Variants in ARHGEF6 observed in about 807,000 individuals in gnomAD.
ARHGEF6 encodes rho guanine nucleotide exchange factor 6.
In ARHGEF6, 9 loss-of-function variants were observed where a neutral mutation model predicts 70.3. The observed-to-expected ratio is 0.13, with a 90% confidence interval of 0.08 to 0.22. ARHGEF6 has a LOEUF of 0.22. Among genes scored for constraint, ARHGEF6 ranks in the 10% least tolerant of loss-of-function variants. The pLI, the probability that ARHGEF6 is intolerant of heterozygous loss-of-function variation, is 1.00. For synonymous variants in ARHGEF6, 201 were observed against 207.8 expected (o/e 0.97, Z 0.28); for missense variants, 470 against 563.0 (o/e 0.83, Z 1.67).
chrX:136,713,311 A>G lies in ARHGEF6; in HGVS notation c.792T>C (p.Leu264=). The G allele has an allele frequency of 8.3e-7, 1 of 1,209,489 alleles. No individual in the cohort carries two copies. Among genetic ancestry groups the G allele is most frequent in the Non-Finnish European group, 1.1e-6 (1 of 893,662 alleles). Residue 264 remains leucine, a synonymous_variant, in exon 7 of 22, where the codon CTT becomes CTC. Transcript: ENST00000250617. Reference sequence around the variant, plus strand: ...ACTGCAGGGGTCTTAAGTAAGTAACAAGAAGAGACTGAAGTTCTTTAGCAT... The same window carrying G: ...ACTGCAGGGGTCTTAAGTAAGTAACGAGAAGAGACTGAAGTTCTTTAGCAT... ...KEYAKELQSL[L]VTYLRPLQSN...
chrX:136,686,693 TACAC>T (rs1252442638), intron 11 of ARHGEF6, among the ~76,000 whole-genome samples: 2 of 51,374 alleles, frequency 3.9e-5, no homozygotes, highest in African/African-American at 1.6e-4. Flanking sequence ...TATATATATA[TACAC>T]ATATATATAT....
intron 2 of ARHGEF6, among the ~76,000 whole-genome samples, chrX:136,756,101 T>G (rs1279620774): frequency 9.0e-6 from 1 of 111,536 alleles, no homozygotes; most frequent in Non-Finnish European, 1.9e-5. Context: ...AGATGATTAA[T>G]CATACTTGAA....
chrX:136,706,547 A>T (rs2076628679), intron 9 of ARHGEF6, among the ~76,000 whole-genome samples: 1 of 111,920 alleles, frequency 8.9e-6, no homozygotes, highest in Admixed American at 9.5e-5. Context: ...CACTAAGTTG[A>T]TATCATGTTA....
Position 136,745,297 on chromosome X carries a change from T to C in ARHGEF6, c.385A>G (p.Asn129Asp). 8.3e-7 allele frequency: 1 copy of C among 1,211,067 alleles called. No individual in the cohort carries two copies. The highest frequency in any genetic ancestry group is 1.1e-6 in the Non-Finnish European group (1 of 894,743). ...CGRSSSLSAA[N>D]TSQTNPQGAV... ...CCCTGTGGGTTTGTCTGAGAAGTATTAGCAGCACTAAGAGAAGAGGAACGT... is the reference window on the plus strand; with the variant it reads ...CCCTGTGGGTTTGTCTGAGAAGTATCAGCAGCACTAAGAGAAGAGGAACGT... The change falls in exon 4 of 22, where the codon AAT becomes GAT. Residue 129 changes from asparagine (N) to aspartate (D), a missense_variant. By Grantham distance (23) the Asn-to-Asp change is conservative. Transcript: ENST00000250617.
chrX:136,729,425 G>A (rs1176447909), intron 6 of ARHGEF6, among the ~76,000 whole-genome samples: 1 of 87,700 alleles, frequency 1.1e-5, no homozygotes, highest in African/African-American at 4.6e-5. Context: ...CCAAGATCAT[G>A]CCACTGCACT....
At chrX:136,780,593 TA>T in intron 1 of ARHGEF6, 124 bp downstream of exon 1, 1 of 676,091 alleles carries the variant, frequency 1.5e-6, no homozygotes, top group Non-Finnish European at 2.4e-6. Context: ...AAAGAATGTC[TA>T]ACTCTTAGAA....
chrX:136,753,878 G>A (rs966530768), intron 2 of ARHGEF6, among the ~76,000 whole-genome samples: 4 of 112,172 alleles, frequency 3.6e-5, no homozygotes, highest in South Asian at 3.7e-4. Context: ...CCACTGCATC[G>A]TGGCATTTGG....
intron 12 of ARHGEF6, among the ~76,000 whole-genome samples, chrX:136,685,428 C>T (rs930663276): frequency 5.4e-5 from 6 of 110,605 alleles, no homozygotes; most frequent in Non-Finnish European, 1.1e-4. Context: ...CAACAAAGAA[C>T]AGGTGCTCAG....
intron 2 of ARHGEF6, chrX:136,767,154 C>T (rs972475184): frequency 4.0e-6 from 3 of 753,944 alleles, no homozygotes; most frequent in African/African-American, 4.6e-5. Flanking sequence ...CTGGCTCGGC[C>T]GCTGCCCGCC....
chrX:136,686,629 T>TATATATATATATATATATATACAC (rs2076396691), intron 11 of ARHGEF6, among the ~76,000 whole-genome samples: 2 of 74,122 alleles, frequency 2.7e-5, no homozygotes, highest in East Asian at 3.6e-4. Context: ...TATACACATA[T>TATATATATATATATATATATACAC]ATATATATAT....
intron 6 of ARHGEF6, among the ~76,000 whole-genome samples, chrX:136,713,627 G>A (rs780552751): frequency 2.7e-5 from 3 of 111,607 alleles, no homozygotes; most frequent in East Asian, 2.8e-4. Flanking sequence ...GGGGCCTTGC[G>A]ATTTACACAG....
Position 136,672,155 on chromosome X carries a change from G to A in ARHGEF6, c.2036-36C>T. The stretch of plus-strand genomic sequence containing the variant: ...GGGTTGCAAGATGGGGGAGGAGGGA[G>A]AGTTACTAGTGAAGAGTAGAAATAG... On this transcript the variant is annotated intron_variant, in intron 19 of 21. Transcript: ENST00000250617. 7.8e-6 allele frequency: 8 copies of A among 1,026,626 alleles called. No homozygotes were observed. In the African/African-American group the frequency reaches 1.1e-4, roughly 14 times the overall value. The allele number at this position is 1,026,626 out of a possible 1,213,427, so 84.6% of individuals were successfully genotyped here. A position where few individuals can be genotyped will look rare whatever the true frequency, so the allele number is the denominator to read the frequency against.
Position 136,672,219 on chromosome X carries a change from C to G in ARHGEF6, c.2036-100G>C, listed in dbSNP as rs1329121440. 7 of 669,979 alleles carry G rather than the reference C, an allele frequency of 1.0e-5. No individual in the cohort carries two copies. In the African/African-American group the frequency reaches 1.1e-4, roughly 10 times the overall value. The allele number at this position is 669,979 out of a possible 1,213,427, so 55.2% of individuals were successfully genotyped here. On this transcript the variant is annotated intron_variant, in intron 19 of 21. Coordinates refer to ENST00000250617, the MANE Select transcript of ARHGEF6 (RefSeq NM_004840.3). ...TTTTCCACTATTGTTACAGAAGGGT[C>G]TTTGTTCATAGCATGTTGCTACATT...
chrX:136,730,964 C>T (rs976485885), intron 6 of ARHGEF6, among the ~76,000 whole-genome samples: 2 of 111,368 alleles, frequency 1.8e-5, no homozygotes, highest in East Asian at 5.6e-4. Context: ...TTTTCATCCA[C>T]CATTCCACTA....
At chrX:136,770,638 C>A (rs772610635) in intron 2 of ARHGEF6, among the ~76,000 whole-genome samples, 1 of 112,398 alleles carries the variant, frequency 8.9e-6, no homozygotes, top group South Asian at 3.6e-4. Context: ...ATATGGGAAT[C>A]CACTAAAAAA....
intron 13 of ARHGEF6, 94 bp from the exon 14 acceptor site, chrX:136,682,062 T>C: frequency 1.5e-6 from 1 of 667,032 alleles, no homozygotes; most frequent in South Asian, 2.2e-5. Flanking sequence ...AAGGCAAAAC[T>C]ATGGCTAGAC....
intron 2 of ARHGEF6, chrX:136,767,437 G>C (rs1299177585): frequency 1.3e-6 from 1 of 754,158 alleles, no homozygotes; most frequent in Non-Finnish European, 1.6e-6. Flanking sequence ...TCCAAACTCT[G>C]TGCCGCGCCC....
chrX:136,727,395 T>TTCTTTCTTTCTTTC (rs1491576833), intron 6 of ARHGEF6, among the ~76,000 whole-genome samples: 13 of 53,601 alleles, frequency 2.4e-4, no homozygotes, highest in African/African-American at 1.0e-3. Context: ...CTTTCTTTCT[T>TTCTTTCTTTCTTTC]TCTCTCTCTC....
intron 5 of ARHGEF6, among the ~76,000 whole-genome samples, chrX:136,732,373 AAAG>A (rs1415086397): frequency 8.9e-6 from 1 of 111,988 alleles, no homozygotes; most frequent in African/African-American, 3.2e-5. Context: ...CTCAATTTCC[AAAG>A]AAGGAATAAG....
Sources: allele counts gnomAD v4.1 joint callset (sites outside exome capture counted in the v4.1 genomes callset), GRCh38; gene constraint gnomAD v4.1.1; transcripts MANE v1.5; gene names NCBI Gene and HGNC (gene_info 2026-07-23, HGNC 2026-07-21).